The following FILIP1 variants were observed in gnomAD, a reference collection of about 807,000 sequenced individuals.
FILIP1 encodes filamin A interacting protein 1.
Under a neutral mutation model 102.1 loss-of-function variants are expected in FILIP1, and 61 were observed. That is an observed-to-expected ratio of 0.60 (90% CI 0.49 to 0.74). The LOEUF is 0.74. Ranked by LOEUF, FILIP1 falls within the 30% of genes least tolerant of loss-of-function variation. The pLI is 0.00. For missense variants in FILIP1, 1,314 were observed against 1,441.2 expected (o/e 0.91, Z 1.43); for synonymous variants, 491 against 526.9 (o/e 0.93, Z 0.93).
At chr6:75,373,227 C>G (rs1467597669) in intron 2 of FILIP1, among the ~76,000 whole-genome samples, 1 of 152,082 alleles carries the variant, frequency 6.6e-6, no homozygotes, top group Non-Finnish European at 1.5e-5. Flanking sequence ...ACTTAGAGTA[C>G]TCAAATCATA....
At chr6:75,347,325 G>A (rs1207882531) in intron 4 of FILIP1, among the ~76,000 whole-genome samples, 1 of 152,166 alleles carries the variant, frequency 6.6e-6, no homozygotes, top group African/African-American at 2.4e-5. Flanking sequence ...AAACAAGATG[G>A]TACATGTGTC....
intron 2 of FILIP1, among the ~76,000 whole-genome samples, chr6:75,403,524 A>AAAAAAAAAAAAAAAAAAAAAAG (rs55907855): frequency 5.2e-5 from 7 of 134,608 alleles, no homozygotes; most frequent in East Asian, 2.1e-4. Flanking sequence ...CAAAAAAAAA[A>AAAAAAAAAAAAAAAAAAAAAAG]AAAAAAGAAA....
intron 1 of FILIP1, among the ~76,000 whole-genome samples, chr6:75,486,629 T>G (rs1779796117): frequency 6.6e-6 from 1 of 152,164 alleles, no homozygotes. Context: ...AAGGTCAAAT[T>G]GCCTGGATTT....
chr6:75,419,890 T>C (rs1777395784), intron 1 of FILIP1, among the ~76,000 whole-genome samples: 1 of 152,190 alleles, frequency 6.6e-6, no homozygotes, highest in African/African-American at 2.4e-5. Flanking sequence ...TGCTCAGAAA[T>C]GTTCCCAAGT....
chr6:75,420,016 T>A (rs1423906788), intron 1 of FILIP1, among the ~76,000 whole-genome samples: 3 of 152,184 alleles, frequency 2.0e-5, no homozygotes, highest in African/African-American at 7.2e-5. Context: ...ACTAAGGTTT[T>A]TACTTAAAGT....
exon 7 of FILIP1, chr6:75,293,982 T>C (rs898484118): frequency 2.6e-5 from 4 of 152,228 alleles, no homozygotes; most frequent in Non-Finnish European, 5.9e-5. Context: ...ACCAAAATTC[T>C]GGAAGTTTAT....
At chr6:75,347,406 A>G (rs1774627055) in intron 4 of FILIP1, among the ~76,000 whole-genome samples, 1 of 152,196 alleles carries the variant, frequency 6.6e-6, no homozygotes, top group African/African-American at 2.4e-5. Flanking sequence ...AATCACAAAG[A>G]AGAAGGCTCA....
chr6:75,475,995 C>T lies in FILIP1; in HGVS notation c.-7+17419G>A, dbSNP rs547513835. On this transcript the variant is annotated intron_variant, in intron 1 of 5. Coordinates refer to ENST00000237172, the MANE Select transcript of FILIP1 (RefSeq NM_015687.5). Reference sequence around the variant, plus strand: ...GTAGCTCACACCTATAATCCCAGCACTTTGGAAGGCCGAGGCAGGAGGTTC... The same window carrying T: ...GTAGCTCACACCTATAATCCCAGCATTTTGGAAGGCCGAGGCAGGAGGTTC... Among the ~76,000 whole-genome samples the T allele has an allele frequency of 3.9e-5, 6 of 152,234 alleles. No individual in the cohort carries two copies. The East Asian group carries it at 1.2e-3, about 29-fold the overall frequency.
chr6:75,320,336 C>T (rs114631080), intron 4 of FILIP1, among the ~76,000 whole-genome samples: 2,375 of 152,166 alleles, frequency 0.016, 64 homozygotes, highest in African/African-American at 0.054. Flanking sequence ...GCAGGCAAAT[C>T]GCTTGAGTCT....
At chr6:75,352,813 G>A (rs941307095) in intron 4 of FILIP1, among the ~76,000 whole-genome samples, 2 of 150,172 alleles carry the variant, frequency 1.3e-5, no homozygotes, top group African/African-American at 4.9e-5. Context: ...TTTGTAGAAA[G>A]ACTTTTCAAA....
At chr6:75,478,342 T>C (rs1779548289) in intron 1 of FILIP1, among the ~76,000 whole-genome samples, 1 of 152,202 alleles carries the variant, frequency 6.6e-6, no homozygotes, top group African/African-American at 2.4e-5. Context: ...TGCTCTTCCC[T>C]ACCCATTCAC....
chr6:75,333,306 G>A (rs1267277431), intron 4 of FILIP1, among the ~76,000 whole-genome samples: 1 of 151,472 alleles, frequency 6.6e-6, no homozygotes, highest in East Asian at 1.9e-4. Flanking sequence ...ACCCAGTTTT[G>A]GAAAACCTTT....
In FILIP1 at chr6:75,372,790, GAAA is replaced by G. The variant is rs1582410678; in HGVS notation, c.277-9876_277-9874del. Among the ~76,000 whole-genome samples, 9 of 99,154 alleles carry G rather than the reference GAAA, an allele frequency of 9.1e-5. 3 individuals carry two copies. The South Asian group carries it at 1.0e-3, about 11-fold the overall frequency. The allele number at this position is 99,154 out of a possible 152,430, so 65.0% of individuals were successfully genotyped here. ...AGAAAGAAAGAAAGAAAGAAAGAAA[GAAA>G]GAAGGAAAGAAAGAAAGAAAAGAGT... is the stretch of plus-strand genomic sequence containing the variant. On this transcript the variant is annotated intron_variant, in intron 2 of 5. Transcript: ENST00000237172.
intron 1 of FILIP1, among the ~76,000 whole-genome samples, chr6:75,484,066 G>A (rs569583999): frequency 4.6e-5 from 7 of 152,286 alleles, no homozygotes; most frequent in African/African-American, 1.7e-4. Context: ...GGGGACTTAA[G>A]TTCTGGTCCT....
Position 75,308,908 on chromosome 6 carries a change from G to C in FILIP1, c.3436-11C>G. ...CCCGTCTTGTCCTGACTGTAAGAGA[G>C]AAAATACGTAGATACAAGGGAGATG... is the stretch of plus-strand genomic sequence containing the variant. On this transcript the variant is annotated splice_polypyrimidine_tract_variant and intron_variant, in intron 5 of 5. Coordinates refer to ENST00000237172, the MANE Select transcript of FILIP1 (RefSeq NM_015687.5). The C allele has an allele frequency of 6.2e-7, 1 of 1,613,540 alleles. No homozygotes were observed. The highest frequency in any genetic ancestry group is 8.5e-7 in the Non-Finnish European group (1 of 1,179,676).
At chr6:75,449,598 G>A (rs1463076010) in intron 1 of FILIP1, among the ~76,000 whole-genome samples, 1 of 152,090 alleles carries the variant, frequency 6.6e-6, no homozygotes, top group Admixed American at 6.6e-5. Flanking sequence ...CTGGGACACA[G>A]CAAGACCCCA....
At chr6:75,491,159 G>C (rs1249647430) in intron 1 of FILIP1, among the ~76,000 whole-genome samples, 1 of 152,132 alleles carries the variant, frequency 6.6e-6, no homozygotes, top group African/African-American at 2.4e-5. Context: ...GGAAGACCCT[G>C]ATCTGGGTCT....
At chr6:75,389,227 G>T (rs183204099) in intron 2 of FILIP1, among the ~76,000 whole-genome samples, 52 of 152,322 alleles carry the variant, frequency 3.4e-4, no homozygotes, top group African/African-American at 1.1e-3. Context: ...AAGCTGACTT[G>T]ATCGTGGTGG....
In FILIP1 at chr6:75,313,297, T is replaced by C. The variant is rs750815354; in HGVS notation, c.2535A>G (p.Lys845=). The C allele has an allele frequency of 3.1e-6, 5 of 1,614,074 alleles. No individual in the cohort carries two copies. The African/African-American group carries it at 6.7e-5, about 22-fold the overall frequency. Residue 845 remains lysine, a synonymous_variant, in exon 5 of 6, where the codon AAA becomes AAG. Coordinates refer to ENST00000237172, the MANE Select transcript of FILIP1 (RefSeq NM_015687.5). The surrounding 1 kb of genome is among the most constrained non-coding windows in gnomAD (Gnocchi z 4.2). ...CTAGAACAGAAGATCTTTCCACGGG[T>C]TTCTTCAATCCCACCTGCCGAAGAT... is the stretch of plus-strand genomic sequence containing the variant. ...MSNLRQVGLK[K]PVERSSVLDR...
Sources: allele counts gnomAD v4.1 joint callset (sites outside exome capture counted in the v4.1 genomes callset), GRCh38; gene constraint gnomAD v4.1.1; non-coding constraint Gnocchi (gnomAD v3.1); transcripts MANE v1.5; gene names NCBI Gene and HGNC (gene_info 2026-07-23, HGNC 2026-07-21).